Variants in FOXP2 observed in about 807,000 individuals in gnomAD.
FOXP2 encodes forkhead box P2, also known as forkhead box protein P2.
FOXP2 carries 12 observed loss-of-function variants against 115.8 expected under a neutral mutation model. That is an observed-to-expected ratio of 0.10 (90% CI 0.07 to 0.17). FOXP2 has a LOEUF of 0.17. Among genes scored for constraint, FOXP2 ranks in the 10% least tolerant of loss-of-function variants. The pLI is 1.00. For missense variants in FOXP2, 629 were observed against 843.5 expected (o/e 0.75, Z 3.15); for synonymous variants, 328 against 297.7 (o/e 1.10, Z -1.05).
chr7:114,512,449 GTC>G (rs1169722820), intron 2 of FOXP2, among the ~76,000 whole-genome samples: 1 of 152,100 alleles, frequency 6.6e-6, no homozygotes, highest in Non-Finnish European at 1.5e-5. Flanking sequence ...GATCCTTTGT[GTC>G]TGAGTCTAGA....
intron 2 of FOXP2, among the ~76,000 whole-genome samples, chr7:114,493,171 C>CT (rs1413207808): frequency 1.1e-4 from 16 of 152,152 alleles, no homozygotes; most frequent in Admixed American, 9.8e-4. Flanking sequence ...TAATGGCCTT[C>CT]TTTGTCTCTT....
intron 3 of FOXP2, among the ~76,000 whole-genome samples, chr7:114,588,112 A>G (rs1286097183): frequency 6.6e-6 from 1 of 151,822 alleles, no homozygotes; most frequent in African/African-American, 2.4e-5. Context: ...GATCGAGACC[A>G]TCCTGGCTAA....
intron 16 of FOXP2, among the ~76,000 whole-genome samples, chr7:114,686,806 A>G (rs1418743692): frequency 1.3e-5 from 2 of 151,986 alleles, no homozygotes; most frequent in Non-Finnish European, 2.9e-5. Context: ...TAATATAATT[A>G]TTTTTAAATT....
chr7:114,335,072 G>A (rs1797818453), intron 2 of FOXP2, among the ~76,000 whole-genome samples: 1 of 150,710 alleles, frequency 6.6e-6, no homozygotes, highest in Admixed American at 6.6e-5. Context: ...TGGGTGATGA[G>A]TTATACTGCC....
At chr7:114,381,677 A>T (rs1367655516) in intron 2 of FOXP2, among the ~76,000 whole-genome samples, 2 of 152,172 alleles carry the variant, frequency 1.3e-5, no homozygotes, top group Admixed American at 1.3e-4. Context: ...GTATAGAGGA[A>T]CAACAGCCTC....
chr7:114,239,433 A>G (rs1325961875), intron 1 of FOXP2, among the ~76,000 whole-genome samples: 2 of 152,120 alleles, frequency 1.3e-5, no homozygotes, highest in Non-Finnish European at 1.5e-5. Context: ...TTATTCATAT[A>G]TGGGTATTTT....
At chr7:114,445,323 C>T (rs1042924644) in intron 2 of FOXP2, among the ~76,000 whole-genome samples, 2 of 152,110 alleles carry the variant, frequency 1.3e-5, no homozygotes, top group African/African-American at 4.8e-5. Flanking sequence ...CTGTAAATAA[C>T]AAGAGATTTG....
At chr7:114,091,725 T>A (rs931340619) in intron 1 of FOXP2, among the ~76,000 whole-genome samples, 17 of 152,020 alleles carry the variant, frequency 1.1e-4, no homozygotes, top group African/African-American at 4.1e-4. Context: ...TGTATTTTTG[T>A]TCATTCTTCC....
intron 1 of FOXP2, among the ~76,000 whole-genome samples, chr7:114,115,527 G>C (rs946632789): frequency 1.3e-4 from 20 of 151,996 alleles, no homozygotes; most frequent in African/African-American, 4.8e-4. Context: ...TCCTTCAACT[G>C]TGCCATCCTC....
In FOXP2 at chr7:114,642,807, TA is replaced by T. The variant is rs1460145937; in HGVS notation, c.989+185del. On this transcript the variant is annotated intron_variant, in intron 7 of 16. Transcript: ENST00000350908. Reference sequence around the variant, plus strand: ...ATATATATATATATATATATATATATATATATTTTTTTTTTTTTTTAGGCAG... The same window carrying T: ...ATATATATATATATATATATATATATTATATTTTTTTTTTTTTTTAGGCAG... Among the ~76,000 whole-genome samples, 174 of 37,486 alleles carry T rather than the reference TA, an allele frequency of 4.6e-3. 1 individual carries two copies. Among genetic ancestry groups the T allele is most frequent in the South Asian group, 0.014 (17 of 1,240 alleles). 24.6% of individuals were successfully genotyped at this position (37,486 alleles called of 152,430 possible).
chr7:114,472,534 G>T (rs796731622), intron 2 of FOXP2, among the ~76,000 whole-genome samples: 1 of 152,070 alleles, frequency 6.6e-6, no homozygotes, highest in South Asian at 2.1e-4. Flanking sequence ...TTTTAGTAGA[G>T]ACAGGGTTTC....
chr7:114,332,219 C>T (rs967946075), intron 2 of FOXP2, among the ~76,000 whole-genome samples: 8 of 152,126 alleles, frequency 5.3e-5, no homozygotes, highest in South Asian at 2.1e-4. Flanking sequence ...AATATGGACA[C>T]GTGCAGCTTT....
intron 2 of FOXP2, among the ~76,000 whole-genome samples, chr7:114,368,938 T>G (rs1791942484): frequency 6.6e-6 from 1 of 152,238 alleles, no homozygotes; most frequent in African/African-American, 2.4e-5. Context: ...TTTGTCATTT[T>G]CACACGGCTT....
intron 3 of FOXP2, among the ~76,000 whole-genome samples, chr7:114,606,904 G>A (rs558368954): frequency 9.2e-5 from 14 of 152,216 alleles, no homozygotes; most frequent in East Asian, 3.9e-4. Flanking sequence ...GGGATTTTTT[G>A]TACTGTTGCC....
chr7:114,625,940 G>T (rs1305287275), intron 3 of FOXP2, among the ~76,000 whole-genome samples: 3 of 151,634 alleles, frequency 2.0e-5, no homozygotes, highest in South Asian at 4.1e-4. Flanking sequence ...CATAGAAGTA[G>T]AGTGTTCAAT....
At chr7:114,362,012 G>A (rs1302135179) in intron 2 of FOXP2, among the ~76,000 whole-genome samples, 1 of 151,876 alleles carries the variant, frequency 6.6e-6, no homozygotes, top group Non-Finnish European at 1.5e-5. Context: ...CTTGGATAAA[G>A]GTGGAAAAAA....
intron 2 of FOXP2, among the ~76,000 whole-genome samples, chr7:114,335,851 A>G (rs1797840568): frequency 6.6e-6 from 1 of 151,660 alleles, no homozygotes; most frequent in African/African-American, 2.4e-5. Flanking sequence ...CAGGAATGAG[A>G]GTACAATAAT....
At position 114,693,525 on chromosome 7, in the gene FOXP2, T is replaced by C; in HGVS notation, c.*3599T>C. On this transcript the variant is annotated 3_prime_UTR_variant, in exon 17 of 17. Transcript: ENST00000350908. Reference sequence around the variant, plus strand: ...TAGCTTTATTAAGTCTATAAAGCTATTGAAAGGAACATGGCTTACCCTTGT... The same window carrying C: ...TAGCTTTATTAAGTCTATAAAGCTACTGAAAGGAACATGGCTTACCCTTGT... 2.2e-6 allele frequency: 1 copy of C among 453,090 alleles called. No individual in the cohort carries two copies. Among genetic ancestry groups the C allele is most frequent in the South Asian group, 1.6e-5 (1 of 64,258 alleles). 28.1% of individuals were successfully genotyped at this position (453,090 alleles called of 1,614,324 possible).
At chr7:114,360,729 T>A (rs1484081066) in intron 2 of FOXP2, among the ~76,000 whole-genome samples, 6 of 152,246 alleles carry the variant, frequency 3.9e-5, no homozygotes, top group African/African-American at 1.4e-4. Context: ...ACATTTACAG[T>A]CTAAGATATA....
Sources: allele counts gnomAD v4.1 joint callset (sites outside exome capture counted in the v4.1 genomes callset), GRCh38; gene constraint gnomAD v4.1.1; transcripts MANE v1.5; gene names NCBI Gene and HGNC (gene_info 2026-07-23, HGNC 2026-07-21).